The following GRIN2D variants were observed in gnomAD, a reference collection of about 807,000 sequenced individuals.
GRIN2D encodes the protein glutamate receptor ionotropic, NMDA 2D.
In GRIN2D, 37 loss-of-function variants were observed where a neutral mutation model predicts 103.2. That is an observed-to-expected ratio of 0.36 (90% CI 0.28 to 0.47). The LOEUF (loss-of-function observed/expected upper bound fraction) is 0.47, where lower values mean the gene tolerates loss of function less well. Ranked by LOEUF, GRIN2D falls within the 20% of genes least tolerant of loss-of-function variation. The pLI is 1.00. For synonymous variants in GRIN2D, 845 were observed against 885.6 expected, an observed-to-expected ratio of 0.95 and a Z score of 0.81; for missense variants, 1,557 against 1,910.6, an observed-to-expected ratio of 0.81 and a Z score of 3.45.
At chr19:48,434,153 T>C (rs992789270) in intron 11 of GRIN2D, among the ~76,000 whole-genome samples, 1 of 151,956 alleles carries the variant, frequency 6.6e-6, no homozygotes, top group Non-Finnish European at 1.5e-5. Flanking sequence ...GGTTTCACCG[T>C]GTTAGCCAGG....
chr19:48,416,195 A>G, intron 8 of GRIN2D, 40 bp downstream of exon 8: 2 of 1,593,240 alleles, frequency 1.3e-6, no homozygotes, highest in Non-Finnish European at 8.6e-7. Context: ...GCCCTAGGCA[A>G]AGTAGCCGTC....
intron 2 of GRIN2D, among the ~76,000 whole-genome samples, chr19:48,396,519 G>A (rs997029829): frequency 1.3e-5 from 2 of 151,916 alleles, no homozygotes; most frequent in African/African-American, 4.8e-5. Context: ...AACCCCGCGG[G>A]GGCCAGGCCA....
In GRIN2D at chr19:48,437,114, T is replaced by TTTTTG. The variant is rs960581332; in HGVS notation, c.2253-4635_2253-4631dup. 1.1e-3 allele frequency among the ~76,000 whole-genome samples: 164 copies of TTTTTG among 152,212 alleles called. 1 individual carries two copies. Among genetic ancestry groups the TTTTTG allele is most frequent in the African/African-American group, 3.3e-3 (136 of 41,534 alleles). ...AAGGCTGTAGGAAATGGCTGAGGTC[T>TTTTTG]TTTTGTTTTGTTTTGTTTTGTTTTC... On this transcript the variant is annotated intron_variant, in intron 11 of 13. Coordinates refer to ENST00000263269, the MANE Select transcript of GRIN2D (RefSeq NM_000836.4).
Position 48,414,060 on chromosome 19 carries a change from C to T in GRIN2D, c.1155C>T (p.Pro385=). 2 of 1,612,904 alleles carry T rather than the reference C, an allele frequency of 1.2e-6. No homozygotes were observed. The highest frequency in any genetic ancestry group is 1.7e-6 in the Non-Finnish European group (2 of 1,178,938). The change falls in exon 5 of 14, where the codon CCC becomes CCT. Residue 385 remains proline, a synonymous_variant. Coordinates refer to ENST00000263269, the MANE Select transcript of GRIN2D (RefSeq NM_000836.4). This position sits in a 1 kb window ranked among gnomAD's most constrained non-coding sequence, Gnocchi z 4.6. ...ATGAGGACGGCTTCCTAGTGAACCC[C>T]TCCCTGGTGGTCATCTCCCTCACCA... ...SFNEDGFLVN[P]SLVVISLTRD... is the part of the protein sequence containing the mutation.
At chr19:48,401,498 G>A (rs1970710652) in intron 3 of GRIN2D, among the ~76,000 whole-genome samples, 1 of 152,164 alleles carries the variant, frequency 6.6e-6, no homozygotes, top group African/African-American at 2.4e-5. Context: ...GTAGGGAAAA[G>A]TGTCCCCAGG....
At chr19:48,432,854 G>A (rs561931193) in intron 11 of GRIN2D, among the ~76,000 whole-genome samples, 3 of 146,458 alleles carry the variant, frequency 2.0e-5, no homozygotes, top group East Asian at 4.2e-4. Flanking sequence ...GCAGTGGCAC[G>A]ATCTCTGCTC....
chr19:48,415,754 T>A (rs1482434152), intron 7 of GRIN2D, among the ~76,000 whole-genome samples: 1 of 151,918 alleles, frequency 6.6e-6, no homozygotes, highest in African/African-American at 2.4e-5. Context: ...ACCAAGGCCT[T>A]GAGGTCTTGC....
In GRIN2D at chr19:48,414,907, G is replaced by A; in HGVS notation, c.1456G>A (p.Gly486Ser). 6.2e-7 allele frequency: 1 copy of A among 1,614,136 alleles called. No homozygotes were observed. The highest frequency in any genetic ancestry group is 8.5e-7 in the Non-Finnish European group (1 of 1,180,030). The part of the protein sequence containing the change: ...APRPEKRCCK[G>S]FCIDILKRLA... Reference sequence around the variant, plus strand: ...CCGCCCGGAAAAGCGCTGCTGCAAGGGTTTCTGCATCGACATTCTGAAGCG... The same window carrying A: ...CCGCCCGGAAAAGCGCTGCTGCAAGAGTTTCTGCATCGACATTCTGAAGCG... The change falls in exon 7 of 14, where the codon GGT becomes AGT. Residue 486 changes from glycine (G) to serine (S), a missense_variant. Gly to Ser is a moderately conservative substitution (Grantham distance 56). This residue lies in a region of GRIN2D where 197 missense variants were observed against 334.1 expected (regional missense o/e 0.59). Coordinates refer to ENST00000263269, the MANE Select transcript of GRIN2D (RefSeq NM_000836.4). The surrounding 1 kb of genome is among the most constrained non-coding windows in gnomAD (Gnocchi z 4.6).
At chr19:48,398,879 C>G in intron 3 of GRIN2D, 22 bp downstream of exon 3, 2 of 947,224 alleles carry the variant, frequency 2.1e-6, no homozygotes, top group South Asian at 4.4e-5. Context: ...CGGGGCGGGG[C>G]GGGGCCACAG....
At position 48,398,655 on chromosome 19, in the gene GRIN2D, C is replaced by A; in HGVS notation, c.263C>A (p.Ala88Glu). 1 of 1,441,808 alleles carries A rather than the reference C, an allele frequency of 6.9e-7. No homozygotes were observed. The highest frequency in any genetic ancestry group is 9.1e-7 in the Non-Finnish European group (1 of 1,098,776). The allele number at this position is 1,441,808 out of a possible 1,614,324, so 89.3% of individuals were successfully genotyped here. The change falls in exon 3 of 14, where the codon GCG becomes GAG. Residue 88 changes from alanine to glutamate, a missense_variant. Ala to Glu is a moderately radical substitution (Grantham distance 107). Transcript: ENST00000263269. ...RSPGLDVRPV[A>E]LVLNGSDPRS... Reference sequence around the variant, plus strand: ...CCGGGCCTAGACGTGCGGCCCGTGGCGCTGGTGCTCAACGGCTCGGACCCG... The same window carrying A: ...CCGGGCCTAGACGTGCGGCCCGTGGAGCTGGTGCTCAACGGCTCGGACCCG...
In GRIN2D at chr19:48,442,357, T is replaced by C; in HGVS notation, c.2648T>C (p.Met883Thr). 1.2e-6 allele frequency: 2 copies of C among 1,612,636 alleles called. No individual in the cohort carries two copies. Among genetic ancestry groups the C allele is most frequent in the South Asian group, 1.1e-5 (1 of 91,076 alleles). The change falls in exon 13 of 14, where the codon ATG becomes ACG. Residue 883 changes from methionine to threonine, a missense_variant. Met to Thr is a moderately conservative substitution (Grantham distance 81). Coordinates refer to ENST00000263269, the MANE Select transcript of GRIN2D (RefSeq NM_000836.4). This position sits in a 1 kb window ranked among gnomAD's most constrained non-coding sequence, Gnocchi z 7.2. Reference sequence around the variant, plus strand: ...CACTGCCTGGGGCCCACCCACCGCATGGACTTCCTGCTGGCCTTCTCCAGG... The same window carrying C: ...CACTGCCTGGGGCCCACCCACCGCACGGACTTCCTGCTGGCCTTCTCCAGG... ...LRHCLGPTHR[M>T]DFLLAFSRGM...
Position 48,414,395 on chromosome 19 carries a change from C to A in GRIN2D, c.1223C>A (p.Thr408Lys). The A allele has an allele frequency of 6.2e-7, 1 of 1,607,938 alleles. No individual in the cohort carries two copies. Among genetic ancestry groups the A allele is most frequent in the Non-Finnish European group, 8.5e-7 (1 of 1,177,958 alleles). ...WEVVGSWEQQ[T>K]LRLKYPLWSR... ...AAGGTGGGCAGCTGGGAGCAGCAGA[C>A]GCTCCGCCTCAAGTACCCGCTGTGG... The change falls in exon 6 of 14, where the codon ACG becomes AAG. Residue 408 changes from threonine (T) to lysine (K), a missense_variant. Physicochemically the swap from Thr to Lys is moderately conservative, Grantham distance 78. Around this residue, in one of 7 missense-constraint regions of GRIN2D, gnomAD observed 490 missense variants for 601.1 expected, o/e 0.82. Transcript: ENST00000263269. The surrounding 1 kb of genome is among the most constrained non-coding windows in gnomAD (Gnocchi z 4.6).
At chr19:48,395,956 G>C (rs950717639) in intron 2 of GRIN2D, among the ~76,000 whole-genome samples, 2 of 151,922 alleles carry the variant, frequency 1.3e-5, no homozygotes, top group African/African-American at 4.8e-5. Flanking sequence ...GAAAGAACAG[G>C]ACCGAATGCC....
intron 11 of GRIN2D, among the ~76,000 whole-genome samples, chr19:48,424,254 C>G (rs988739357): frequency 6.7e-5 from 7 of 103,752 alleles, no homozygotes; most frequent in Non-Finnish European, 9.4e-5. Context: ...CCTTGACTCA[C>G]AAAAAAAAAA....
At position 48,416,049 on chromosome 19, in the gene GRIN2D, C is replaced by G; in HGVS notation, c.1629C>G (p.Asn543Lys). 1 of 1,613,962 alleles carries G rather than the reference C, an allele frequency of 6.2e-7. No individual in the cohort carries two copies. The highest frequency in any genetic ancestry group is 8.5e-7 in the Non-Finnish European group (1 of 1,179,856). The change falls in exon 8 of 14, where the codon AAC becomes AAG. Residue 543 changes from asparagine to lysine, a missense_variant. By Grantham distance (94) the Asn-to-Lys change is moderately conservative. Coordinates refer to ENST00000263269, the MANE Select transcript of GRIN2D (RefSeq NM_000836.4). ...ADMAIGSLTI[N>K]EERSEIVDFS... Reference sequence around the variant, plus strand: ...TGGCCATCGGCTCCCTCACCATCAACGAGGAGCGCTCCGAGATCGTGGACT... The same window carrying G: ...TGGCCATCGGCTCCCTCACCATCAAGGAGGAGCGCTCCGAGATCGTGGACT...
At position 48,416,068 on chromosome 19, in the gene GRIN2D, G is replaced by T; in HGVS notation, c.1648G>T (p.Val550Leu). The change falls in exon 8 of 14, where the codon GTG becomes TTG. Residue 550 changes from valine to leucine, a missense_variant. By Grantham distance (32) the Val-to-Leu change is conservative (BLOSUM62 1). Transcript: ENST00000263269. Reference protein sequence around the residue: ...LTINEERSEIVDFSVPFVETG... With the variant: ...LTINEERSEILDFSVPFVETG... Reference sequence around the variant, plus strand: ...CATCAACGAGGAGCGCTCCGAGATCGTGGACTTCTCCGTCCCCTTCGTGGA... The same window carrying T: ...CATCAACGAGGAGCGCTCCGAGATCTTGGACTTCTCCGTCCCCTTCGTGGA... The T allele has an allele frequency of 6.2e-7, 1 of 1,613,854 alleles. No individual in the cohort carries two copies. Among genetic ancestry groups the T allele is most frequent in the South Asian group, 1.1e-5 (1 of 91,074 alleles).
In GRIN2D at chr19:48,421,289, A is replaced by T. The variant is rs1342334862; in HGVS notation, c.2092-496A>T. On this transcript the variant is annotated intron_variant, in intron 10 of 13. Transcript: ENST00000263269. The surrounding 1 kb of genome is among the most constrained non-coding windows in gnomAD (Gnocchi z 4.8). Reference sequence around the variant, plus strand: ...ACTAAAAATACAAAACTGGCTGGGCATGGTGGTATGTGCCTGTAATCCCAG... The same window carrying T: ...ACTAAAAATACAAAACTGGCTGGGCTTGGTGGTATGTGCCTGTAATCCCAG... Among the ~76,000 whole-genome samples the T allele has an allele frequency of 6.6e-6, 1 of 151,604 alleles. No homozygotes were observed.
intron 11 of GRIN2D, among the ~76,000 whole-genome samples, chr19:48,437,761 G>A (rs1600994233): frequency 6.6e-6 from 1 of 152,068 alleles, no homozygotes; most frequent in Non-Finnish European, 1.5e-5. Context: ...TCACCCCCAA[G>A]GGCATCTTCC....
intron 2 of GRIN2D, among the ~76,000 whole-genome samples, chr19:48,395,139 C>G (rs993854497): frequency 1.3e-5 from 2 of 151,852 alleles, no homozygotes; most frequent in African/African-American, 2.4e-5. Context: ...TTTCCTGAGT[C>G]CCTACACCTC....
Sources: gnomAD v4.1 joint callset for allele counts (sites outside exome capture counted in the v4.1 genomes callset) on GRCh38, gnomAD v4.1.1 for gene constraint, gnomAD v4.1.1 regional missense constraint, Gnocchi (gnomAD v3.1) non-coding constraint, MANE v1.5 for transcripts, NCBI Gene and HGNC (gene_info 2026-07-23, HGNC 2026-07-21) for gene names.